The following ELFN2 variants were observed in gnomAD, a reference collection of about 807,000 sequenced individuals.
The protein encoded by ELFN2 is extracellular leucine rich repeat and fibronectin type III domain containing 2.
A neutral mutation model predicts 45.5 loss-of-function variants in ELFN2; 17 were observed. That is an observed-to-expected ratio of 0.37 (90% CI 0.26 to 0.56). The LOEUF is 0.56. Among genes scored for constraint, ELFN2 ranks in the 20% least tolerant of loss-of-function variants. ELFN2 has a pLI of 0.77. For missense variants in ELFN2, 922 were observed against 1,183.2 expected, an observed-to-expected ratio of 0.78 and a Z score of 3.24; for synonymous variants, 550 against 551.5, an observed-to-expected ratio of 1.00 and a Z score of 0.04.
chr22:37,358,535 G>C (rs1601736415), intron 1 of ELFN2, among the ~76,000 whole-genome samples: 4 of 152,346 alleles, frequency 2.6e-5, no homozygotes, highest in East Asian at 1.9e-4. Flanking sequence ...ATCCCGATTA[G>C]ATACAACCGA....
chr22:37,343,604 G>A (rs73408374), intron 1 of ELFN2, among the ~76,000 whole-genome samples: 8,433 of 151,964 alleles, frequency 0.055, 271 homozygotes, highest in Middle Eastern at 0.14. Flanking sequence ...CAGTGCTCCC[G>A]CTGCTCAGCC....
intron 2 of ELFN2, among the ~76,000 whole-genome samples, chr22:37,380,606 G>A (rs1370459962): frequency 6.6e-6 from 1 of 152,186 alleles, no homozygotes; most frequent in African/African-American, 2.4e-5. Flanking sequence ...CATAAGCCCT[G>A]GCACAGGCTC....
At chr22:37,412,845 A>G (rs9622618) in intron 2 of ELFN2, among the ~76,000 whole-genome samples, 32,069 of 152,122 alleles carry the variant, frequency 0.21, 6,858 homozygotes, top group African/African-American at 0.55. Context: ...CTCTAAGCTC[A>G]TCCTGGCAGG....
chr22:37,372,940 G>A lies in ELFN2; in HGVS notation c.*132C>T, dbSNP rs1385670658. The A allele has an allele frequency of 4.6e-5, 45 of 972,950 alleles. No homozygotes were observed. Among genetic ancestry groups the A allele is most frequent in the South Asian group, 2.9e-4 (17 of 58,444 alleles). The allele number at this position is 972,950 out of a possible 1,614,324, so 60.3% of individuals were successfully genotyped here. ...GTCAGGTGTGTGTGTGCGTGCGTGC[G>A]TGCGGGTCTGCATGTGCGTCCTCTC... On this transcript the variant is annotated 3_prime_UTR_variant, in exon 3 of 3. Coordinates refer to ENST00000402918, the MANE Select transcript of ELFN2 (RefSeq NM_052906.5). This position sits in a 1 kb window ranked among gnomAD's most constrained non-coding sequence, Gnocchi z 4.4.
At chr22:37,412,292 A>AAAAAG (rs57769146) in intron 2 of ELFN2, among the ~76,000 whole-genome samples, 71 of 146,432 alleles carry the variant, frequency 4.8e-4, no homozygotes, top group Admixed American at 1.9e-3. Flanking sequence ...AAAAAAAAAA[A>AAAAAG]AAAGAAAGAA....
At chr22:37,364,151 C>A (rs1174460935), downstream of ELFN2, among the ~76,000 whole-genome samples, 1 of 152,206 alleles carries the variant, frequency 6.6e-6, no homozygotes, top group Admixed American at 6.5e-5. Flanking sequence ...CAGCAGGGAT[C>A]ACCTAAGCCT....
intron 1 of ELFN2, among the ~76,000 whole-genome samples, chr22:37,350,754 G>C (rs1930803374): frequency 6.6e-6 from 1 of 150,448 alleles, no homozygotes; most frequent in South Asian, 2.1e-4. Context: ...CTGGCTGTGG[G>C]CAGCCACCGA....
intron 2 of ELFN2, among the ~76,000 whole-genome samples, chr22:37,402,880 G>C (rs996439127): frequency 1.3e-5 from 2 of 152,076 alleles, no homozygotes; most frequent in Non-Finnish European, 2.9e-5. Flanking sequence ...GCTGTGCACC[G>C]AGCACAGCAC....
At chr22:37,381,499 A>G (rs558923202) in intron 2 of ELFN2, among the ~76,000 whole-genome samples, 2 of 151,206 alleles carry the variant, frequency 1.3e-5, no homozygotes, top group African/African-American at 4.9e-5. Context: ...CAGAATCCCC[A>G]TAATCCACCT....
Position 37,404,908 on chromosome 22 carries a change from G to C in ELFN2, c.-463+12861C>G, listed in dbSNP as rs537346254. Among the ~76,000 whole-genome samples, 9 of 152,256 alleles carry C rather than the reference G, an allele frequency of 5.9e-5. No individual in the cohort carries two copies. In the South Asian group the frequency reaches 1.9e-3, roughly 32 times the overall value. The stretch of plus-strand genomic sequence containing the variant: ...GAATAAAAGCAATACCTACCACATA[G>C]GTTGTTGTGAGGAGGGCCATCCCCC... On this transcript the variant is annotated intron_variant, in intron 2 of 2. Transcript: ENST00000402918.
At chr22:37,378,161 G>A (rs536610690) in intron 2 of ELFN2, among the ~76,000 whole-genome samples, 7 of 152,358 alleles carry the variant, frequency 4.6e-5, no homozygotes, top group Non-Finnish European at 7.4e-5. Flanking sequence ...GCGGGCAGGC[G>A]CGTGTGCACA....
chr22:37,416,538 C>T (rs888036655), intron 2 of ELFN2, among the ~76,000 whole-genome samples: 1 of 152,072 alleles, frequency 6.6e-6, no homozygotes, highest in South Asian at 2.1e-4. Flanking sequence ...CCCTGGGGAG[C>T]GAGAGGGCTC....
chr22:37,389,378 C>T (rs568262211), intron 2 of ELFN2, among the ~76,000 whole-genome samples: 213 of 152,204 alleles, frequency 1.4e-3, no homozygotes, highest in Middle Eastern at 6.8e-3. Flanking sequence ...ATTGAGGGCA[C>T]GCCCACACCC....
chr22:37,373,777 G>A lies in ELFN2; in HGVS notation c.1758C>T (p.Ala586=), dbSNP rs558982154. 21 of 1,590,828 alleles carry A rather than the reference G, an allele frequency of 1.3e-5. No homozygotes were observed. Among genetic ancestry groups the A allele is most frequent in the South Asian group, 1.0e-4 (9 of 87,816 alleles). The change falls in exon 3 of 3, where the codon GCC becomes GCT. Residue 586 remains alanine, a synonymous_variant. Coordinates refer to ENST00000402918, the MANE Select transcript of ELFN2 (RefSeq NM_052906.5). ...FECQSLPAAA[A]ASSATGPGAL... ...CCCCGGGGCCAGTGGCTGAGGAGGCGGCAGCAGCTGCAGGGAGGGACTGGC... is the reference window on the plus strand; with the variant it reads ...CCCCGGGGCCAGTGGCTGAGGAGGCAGCAGCAGCTGCAGGGAGGGACTGGC...
chr22:37,404,509 C>T (rs1237658774), intron 2 of ELFN2, among the ~76,000 whole-genome samples: 9 of 152,018 alleles, frequency 5.9e-5, no homozygotes, highest in Admixed American at 5.9e-4. Context: ...AATAGCAGTG[C>T]AGGAGGACAG....
At chr22:37,350,066 G>A (rs1360475959) in intron 1 of ELFN2, among the ~76,000 whole-genome samples, 1 of 150,982 alleles carries the variant, frequency 6.6e-6, no homozygotes, top group Non-Finnish European at 1.5e-5. Context: ...CTGGGCTGTG[G>A]TACGCAGAGG....
intron 1 of ELFN2, among the ~76,000 whole-genome samples, chr22:37,348,650 G>A (rs1930751044): frequency 6.6e-6 from 1 of 150,716 alleles, no homozygotes; most frequent in African/African-American, 2.4e-5. Context: ...CTCTCCTGAA[G>A]AATGGGCTGT....
At chr22:37,364,091 G>T (rs1330798651), downstream of ELFN2, among the ~76,000 whole-genome samples, 2 of 152,166 alleles carry the variant, frequency 1.3e-5, no homozygotes, top group Non-Finnish European at 2.9e-5. Context: ...ACTCAGAATT[G>T]GATTCCCCAG....
chr22:37,424,486 G>C (rs1198453566), intron 1 of ELFN2, among the ~76,000 whole-genome samples: 1 of 152,140 alleles, frequency 6.6e-6, no homozygotes, highest in Non-Finnish European at 1.5e-5. Flanking sequence ...GAGCTTGTGG[G>C]TGGAAGAGCA....
Sources: allele counts gnomAD v4.1 joint callset (sites outside exome capture counted in the v4.1 genomes callset), GRCh38; gene constraint gnomAD v4.1.1; non-coding constraint Gnocchi (gnomAD v3.1); transcripts MANE v1.5; gene names NCBI Gene and HGNC (gene_info 2026-07-23, HGNC 2026-07-21).